The following PDE1A variants were observed in gnomAD, a reference collection of about 807,000 sequenced individuals.
PDE1A encodes dual specificity calcium/calmodulin-dependent 3',5'-cyclic nucleotide phosphodiesterase 1A.
Under a neutral mutation model 61.7 loss-of-function variants are expected in PDE1A, and 35 were observed. The observed-to-expected ratio is 0.57, with a 90% confidence interval of 0.43 to 0.75. The LOEUF is 0.75. Among genes scored for constraint, PDE1A ranks in the 30% least tolerant of loss-of-function variants. The pLI is 0.00. For synonymous variants in PDE1A, 232 were observed against 213.2 expected (o/e 1.09, Z -0.77); for missense variants, 597 against 630.6 (o/e 0.95, Z 0.57).
intron 1 of PDE1A, among the ~76,000 whole-genome samples, chr2:182,378,977 G>A (rs1700572029): frequency 6.6e-6 from 1 of 152,118 alleles, no homozygotes; most frequent in South Asian, 2.1e-4. Flanking sequence ...CTCTCAGCAT[G>A]TCCCCAAGGG....
chr2:182,469,704 T>C (rs1159825018), intron 2 of PDE1A, among the ~76,000 whole-genome samples: 1 of 151,952 alleles, frequency 6.6e-6, no homozygotes, highest in Non-Finnish European at 1.5e-5. Flanking sequence ...CTGTGCCTTC[T>C]TCACTAAACT....
chr2:182,238,646 T>C (rs1349939701), intron 3 of PDE1A, among the ~76,000 whole-genome samples: 2 of 152,228 alleles, frequency 1.3e-5, no homozygotes, highest in African/African-American at 2.4e-5. Context: ...ATGCACCTAC[T>C]AGTGGGGATT....
chr2:182,510,287 C>T (rs1689702192), intron 2 of PDE1A, among the ~76,000 whole-genome samples: 1 of 152,124 alleles, frequency 6.6e-6, no homozygotes, highest in African/African-American at 2.4e-5. Context: ...TTATGCCTTC[C>T]TTAACTATAG....
At chr2:182,192,615 AT>A (rs1344770943) in intron 10 of PDE1A, among the ~76,000 whole-genome samples, 2 of 152,096 alleles carry the variant, frequency 1.3e-5, no homozygotes, top group African/African-American at 4.8e-5. Context: ...TGAAAGAAGA[AT>A]TTATATTTTT....
At chr2:182,230,244 G>C in intron 5 of PDE1A, 98 bp from the exon 6 acceptor site, 1 of 815,188 alleles carries the variant, frequency 1.2e-6, no homozygotes, top group Non-Finnish European at 1.9e-6. Flanking sequence ...TGAGTCAGAT[G>C]TGGACAGTAG....
intron 13 of PDE1A, among the ~76,000 whole-genome samples, chr2:182,156,996 ATTATT>A (rs1258937250): frequency 1.7e-4 from 25 of 146,858 alleles, no homozygotes; most frequent in Admixed American, 2.7e-4. Context: ...TATTATTATT[ATTATT>A]TTATTTTATT....
At chr2:182,431,073 A>T (rs1295210133), upstream of PDE1A, among the ~76,000 whole-genome samples, 3 of 140,850 alleles carry the variant, frequency 2.1e-5, no homozygotes, top group African/African-American at 7.8e-5. Flanking sequence ...AACCTGCACA[A>T]TGTGCACATG....
At chr2:182,628,289 A>C in the PDE1A span, among the ~76,000 whole-genome samples, 1 of 152,208 alleles carries the variant, frequency 6.6e-6, no homozygotes, top group African/African-American at 2.4e-5. Flanking sequence ...AAAACTAGAG[A>C]GCTTTCTGGA....
At chr2:182,165,112 G>C (rs1691587651), downstream of PDE1A, among the ~76,000 whole-genome samples, 3 of 152,190 alleles carry the variant, frequency 2.0e-5, 1 homozygote, top group South Asian at 6.2e-4. Context: ...TATATGTTCT[G>C]AATCAGCATC....
chr2:182,160,018 T>C (rs1286858235), intron 13 of PDE1A, among the ~76,000 whole-genome samples: 1 of 152,166 alleles, frequency 6.6e-6, no homozygotes, highest in Non-Finnish European at 1.5e-5. Context: ...ATTGACTCAT[T>C]TAATCCTCCT....
chr2:182,705,334 C>T, the PDE1A span, among the ~76,000 whole-genome samples: 2 of 152,132 alleles, frequency 1.3e-5, no homozygotes, highest in African/African-American at 4.8e-5. Context: ...CATAAGGAGA[C>T]AAGCATAGTG....
intron 7 of PDE1A, among the ~76,000 whole-genome samples, chr2:182,206,693 A>C (rs1687131663): frequency 6.6e-6 from 1 of 152,078 alleles, no homozygotes; most frequent in Admixed American, 6.5e-5. Flanking sequence ...TCCCTACCCA[A>C]ATCTTATGTT....
intron 13 of PDE1A, among the ~76,000 whole-genome samples, chr2:182,161,024 A>G (rs1386707633): frequency 6.6e-6 from 1 of 152,232 alleles, no homozygotes; most frequent in African/African-American, 2.4e-5. Flanking sequence ...TAAGGAGTTC[A>G]GTGACTATAT....
intron 2 of PDE1A, among the ~76,000 whole-genome samples, chr2:182,451,643 A>G (rs769014389): frequency 1.3e-5 from 2 of 152,052 alleles, no homozygotes; most frequent in Non-Finnish European, 2.9e-5. Context: ...TTCAAGCCAT[A>G]ATCAGGGACC....
At chr2:182,691,940 C>T in the PDE1A span, among the ~76,000 whole-genome samples, 1 of 152,244 alleles carries the variant, frequency 6.6e-6, no homozygotes, top group East Asian at 1.9e-4. Flanking sequence ...TCATCACTGG[C>T]AATCAGATAA....
the PDE1A span, among the ~76,000 whole-genome samples, chr2:182,699,721 T>A: frequency 1.5e-3 from 236 of 152,318 alleles, 1 homozygote; most frequent in Non-Finnish European, 2.5e-3. Context: ...ACAAGTTTGT[T>A]TATTTGTTTT....
chr2:182,211,858 G>T (rs1687628804), intron 7 of PDE1A, among the ~76,000 whole-genome samples: 1 of 152,022 alleles, frequency 6.6e-6, no homozygotes, highest in African/African-American at 2.4e-5. Flanking sequence ...CTTGTATTTT[G>T]CAACCCTGCT....
chr2:182,633,466 G>T, the PDE1A span, among the ~76,000 whole-genome samples: 1 of 152,148 alleles, frequency 6.6e-6, no homozygotes, highest in Non-Finnish European at 1.5e-5. Flanking sequence ...AATGGCTGGT[G>T]TTATGTCCAA....
intron 2 of PDE1A, among the ~76,000 whole-genome samples, chr2:182,510,295 T>C (rs908753381): frequency 6.6e-6 from 1 of 152,226 alleles, no homozygotes; most frequent in African/African-American, 2.4e-5. Context: ...TCCTTAACTA[T>C]AGTCATTCAT....
Sources: allele counts gnomAD v4.1 joint callset (sites outside exome capture counted in the v4.1 genomes callset), GRCh38; gene constraint gnomAD v4.1.1; transcripts MANE v1.5; gene names NCBI Gene and HGNC (gene_info 2026-07-23, HGNC 2026-07-21).